The following DMXL2 variants were observed in gnomAD, a reference collection of about 807,000 sequenced individuals.
The protein encoded by DMXL2 is Dmx like 2, also known as dmX-like protein 2.
DMXL2 carries 103 observed loss-of-function variants against 331.1 expected under a neutral mutation model. That is an observed-to-expected ratio of 0.31 (90% confidence interval 0.27 to 0.37). The LOEUF is 0.37. Ranked by LOEUF, DMXL2 falls within the 10% of genes least tolerant of loss-of-function variation. The pLI is 1.00. For synonymous variants in DMXL2, 1,281 were observed against 1,252.1 expected, an observed-to-expected ratio of 1.02 and a Z score of -0.49; for missense variants, 3,171 against 3,642.9, an observed-to-expected ratio of 0.87 and a Z score of 3.33.
chr15:51,591,496 C>A (rs1307695636), intron 1 of DMXL2, among the ~76,000 whole-genome samples: 2 of 152,200 alleles, frequency 1.3e-5, no homozygotes, highest in Non-Finnish European at 2.9e-5. Flanking sequence ...GTAGACTCCA[C>A]CTGTGGGGGC....
chr15:51,507,410 A>T (rs1341145375), intron 15 of DMXL2, among the ~76,000 whole-genome samples, 157 bp from the exon 16 acceptor site: 2 of 152,246 alleles, frequency 1.3e-5, no homozygotes, highest in Non-Finnish European at 2.9e-5. Flanking sequence ...TTTTGTACCG[A>T]AAGTTAGATA....
At chr15:51,461,836 G>C (rs1279223457) in intron 33 of DMXL2, among the ~76,000 whole-genome samples, 1 of 152,096 alleles carries the variant, frequency 6.6e-6, no homozygotes, top group Admixed American at 6.5e-5. Flanking sequence ...CACTATGCCT[G>C]GCTAAAATCT....
intron 1 of DMXL2, among the ~76,000 whole-genome samples, chr15:51,588,482 T>C (rs1201154900): frequency 2.0e-5 from 3 of 152,168 alleles, no homozygotes; most frequent in Non-Finnish European, 4.4e-5. Context: ...CCAGCCACAA[T>C]ACTGTTTCTC....
intron 19 of DMXL2, 151 bp downstream of exon 19, chr15:51,494,873 G>A: frequency 2.0e-6 from 1 of 496,824 alleles, no homozygotes; most frequent in Non-Finnish European, 3.6e-6. Context: ...TAGAAAAATG[G>A]TAAGTGGGTA....
At chr15:51,537,424 C>A in intron 11 of DMXL2, 64 bp downstream of exon 11, 1 of 1,466,090 alleles carries the variant, frequency 6.8e-7, no homozygotes, top group Non-Finnish European at 9.1e-7. Context: ...GCTAACTCTA[C>A]AAAGCATTTA....
In DMXL2 at chr15:51,448,905, G is replaced by T. The variant is rs1028083640; in HGVS notation, c.*79C>A. ...GAGATTCTCTGTTTTCAATACAACT[G>T]CTTAGAAAGCAGAATTGCCTAGTGA... On this transcript the variant is annotated 3_prime_UTR_variant, in exon 44 of 44. Coordinates refer to ENST00000560891, the MANE Select transcript of DMXL2 (RefSeq NM_001378457.1). 8 of 1,373,954 alleles carry T rather than the reference G, an allele frequency of 5.8e-6. No individual in the cohort carries two copies. The highest frequency in any genetic ancestry group is 8.1e-6 in the Non-Finnish European group (8 of 987,896). The allele number at this position is 1,373,954 out of a possible 1,614,324, so 85.1% of individuals were successfully genotyped here.
chr15:51,450,502 T>C, intron 42 of DMXL2, 156 bp from the exon 43 acceptor site: 1 of 724,966 alleles, frequency 1.4e-6, no homozygotes, highest in East Asian at 2.7e-5. Flanking sequence ...TGTAATCACA[T>C]GATTAAAGAA....
intron 2 of DMXL2, among the ~76,000 whole-genome samples, chr15:51,572,074 T>A (rs148360897): frequency 1.3e-5 from 2 of 151,686 alleles, no homozygotes; most frequent in Non-Finnish European, 2.9e-5. Flanking sequence ...AAGAATCAAA[T>A]AGACACAATA....
At chr15:51,452,696 G>C (rs2039257311) in intron 41 of DMXL2, among the ~76,000 whole-genome samples, 1 of 152,096 alleles carries the variant, frequency 6.6e-6, no homozygotes, top group Admixed American at 6.5e-5. Context: ...ATTCCTTAAA[G>C]AACTATAAGC....
chr15:51,500,012 G>C lies in DMXL2; in HGVS notation c.3212C>G (p.Pro1071Arg). 3 of 1,614,036 alleles carry C rather than the reference G, an allele frequency of 1.9e-6. No individual in the cohort carries two copies. Among genetic ancestry groups the C allele is most frequent in the Non-Finnish European group, 2.5e-6 (3 of 1,179,980 alleles). ...TGTGTATGAACAGCTAACAGCAACT[G>C]GTCTTCCCACAATGCTCACTGTACT... ...NSSTVSIVGR[P>R]VAVSCSYTGR... Residue 1071 changes from proline to arginine, a missense_variant, in exon 18 of 44, where the codon CCA becomes CGA. Physicochemically the swap from Pro to Arg is moderately radical, Grantham distance 103. Transcript: ENST00000560891.
chr15:51,493,181 ATC>A (rs1287687252), intron 19 of DMXL2, among the ~76,000 whole-genome samples: 3 of 152,112 alleles, frequency 2.0e-5, no homozygotes, highest in Admixed American at 6.5e-5. Context: ...CACTATTTAA[ATC>A]TCTGTCTGCT....
intron 1 of DMXL2, among the ~76,000 whole-genome samples, chr15:51,598,183 G>C (rs1031132113): frequency 1.3e-5 from 2 of 151,664 alleles, no homozygotes; most frequent in African/African-American, 4.8e-5. Context: ...TTTTTATTTT[G>C]ACATAATTTC....
chr15:51,450,996 A>G (rs193025464), intron 42 of DMXL2, among the ~76,000 whole-genome samples: 135 of 152,372 alleles, frequency 8.9e-4, no homozygotes, highest in Non-Finnish European at 1.5e-3. Context: ...TTACTTGAGC[A>G]TGGAGCACTT....
At chr15:51,554,692 G>A (rs1490158251) in intron 6 of DMXL2, among the ~76,000 whole-genome samples, 4 of 152,218 alleles carry the variant, frequency 2.6e-5, no homozygotes, top group Non-Finnish European at 5.9e-5. Context: ...ATGGAGTGGA[G>A]TGTGCAGGGG....
At chr15:51,504,366 A>C (rs1197142417) in intron 16 of DMXL2, among the ~76,000 whole-genome samples, 1 of 152,226 alleles carries the variant, frequency 6.6e-6, no homozygotes, top group Non-Finnish European at 1.5e-5. Context: ...CACAAAAACC[A>C]AAAGTTCTAA....
At chr15:51,503,608 G>C (rs1445732960) in intron 16 of DMXL2, among the ~76,000 whole-genome samples, 1 of 152,054 alleles carries the variant, frequency 6.6e-6, no homozygotes, top group Admixed American at 6.6e-5. Flanking sequence ...TCTTTAATAG[G>C]TACAAACATG....
intron 20 of DMXL2, among the ~76,000 whole-genome samples, 200 bp from the exon 21 acceptor site, chr15:51,488,845 G>A (rs879604110): frequency 3.3e-5 from 5 of 152,022 alleles, no homozygotes; most frequent in African/African-American, 9.7e-5. Context: ...CAGTAATTAT[G>A]GTAAAAATCC....
chr15:51,502,974 C>T lies in DMXL2; in HGVS notation c.2824G>A (p.Val942Ile), dbSNP rs144279316. The T allele has an allele frequency of 7.4e-6, 12 of 1,613,770 alleles. No homozygotes were observed. Among genetic ancestry groups the T allele is most frequent in the African/African-American group, 6.7e-5 (5 of 74,916 alleles). The change falls in exon 17 of 44, where the codon GTA becomes ATA. Residue 942 changes from valine (V) to isoleucine (I), a missense_variant. Around this residue, in one of 7 missense-constraint regions of DMXL2, gnomAD observed 1,674 missense variants for 1,780.2 expected, o/e 0.94. Transcript: ENST00000560891. ...SLLSVPGQKN[V>I]DSSPETSPSV... ...GGAGAGGTTTCTGGAGAAGAATCTACGTTCTTCTGTCCAGGGACTGAAAGT... is the reference window on the plus strand; with the variant it reads ...GGAGAGGTTTCTGGAGAAGAATCTATGTTCTTCTGTCCAGGGACTGAAAGT...
chr15:51,475,860 C>CA (rs371205141), intron 27 of DMXL2, among the ~76,000 whole-genome samples: 30 of 151,464 alleles, frequency 2.0e-4, no homozygotes, highest in Middle Eastern at 6.8e-3. Context: ...TCAAATTTTT[C>CA]AAAAAAAATA....
Sources: gnomAD v4.1 joint callset for allele counts (sites outside exome capture counted in the v4.1 genomes callset) on GRCh38, gnomAD v4.1.1 for gene constraint, gnomAD v4.1.1 regional missense constraint, MANE v1.5 for transcripts, NCBI Gene and HGNC (gene_info 2026-07-23, HGNC 2026-07-21) for gene names.